The following PHC3 variants were observed in gnomAD, a reference collection of about 807,000 sequenced individuals.
PHC3 encodes polyhomeotic homolog 3.
PHC3 carries 13 observed loss-of-function variants against 107.4 expected under a neutral mutation model. That is an observed-to-expected ratio of 0.12 (90% CI 0.08 to 0.19). The LOEUF (loss-of-function observed/expected upper bound fraction) is 0.19, where lower values mean the gene tolerates loss of function less well. Among genes scored for constraint, PHC3 ranks in the 10% least tolerant of loss-of-function variants. PHC3 has a pLI of 1.00. For missense variants in PHC3, 992 were observed against 1,210.9 expected (o/e 0.82, Z 2.68); for synonymous variants, 456 against 427.4 (o/e 1.07, Z -0.83).
intron 2 of PHC3, among the ~76,000 whole-genome samples, chr3:170,173,053 A>G (rs1729870541): frequency 1.3e-5 from 2 of 151,906 alleles, no homozygotes; most frequent in Non-Finnish European, 2.9e-5. Flanking sequence ...TTAGCCAGGC[A>G]TGGTGGCACA....
chr3:170,164,006 C>A (rs1009987398), intron 4 of PHC3, among the ~76,000 whole-genome samples: 1 of 152,010 alleles, frequency 6.6e-6, no homozygotes, highest in African/African-American at 2.4e-5. Flanking sequence ...TCAAGAACAG[C>A]CTGAGCAAGA....
At chr3:170,130,172 G>A (rs1285653763) in intron 7 of PHC3, among the ~76,000 whole-genome samples, 5 of 152,242 alleles carry the variant, frequency 3.3e-5, no homozygotes, top group East Asian at 3.9e-4. Context: ...TTTTAGCAAA[G>A]TTTATACACT....
chr3:170,132,660 G>A (rs142711554), intron 7 of PHC3, among the ~76,000 whole-genome samples: 1,862 of 152,296 alleles, frequency 0.012, 39 homozygotes, highest in African/African-American at 0.042. Flanking sequence ...GCCAGACCTC[G>A]ATCTTGGGCT....
intron 4 of PHC3, among the ~76,000 whole-genome samples, chr3:170,166,418 GCTT>G (rs1331056537): frequency 6.6e-6 from 1 of 152,114 alleles, no homozygotes; most frequent in East Asian, 1.9e-4. Flanking sequence ...ATGCATTCTT[GCTT>G]CTTACACTCA....
intron 6 of PHC3, among the ~76,000 whole-genome samples, chr3:170,136,910 GAAA>G (rs555028257): frequency 6.8e-6 from 1 of 146,162 alleles, no homozygotes; most frequent in African/African-American, 2.5e-5. Context: ...GGGAGGGAGA[GAAA>G]AAAAAGAAAG....
intron 7 of PHC3, among the ~76,000 whole-genome samples, chr3:170,133,168 TC>T (rs1235145861): frequency 1.6e-4 from 24 of 152,110 alleles, no homozygotes; most frequent in African/African-American, 5.8e-4. Flanking sequence ...CAAAATATCT[TC>T]GCTTCAGATT....
At chr3:170,133,137 A>T (rs1460979805) in intron 7 of PHC3, among the ~76,000 whole-genome samples, 1 of 152,148 alleles carries the variant, frequency 6.6e-6, no homozygotes, top group Non-Finnish European at 1.5e-5. Flanking sequence ...ATTGAGGACA[A>T]ATAATCAATT....
chr3:170,138,800 A>C (rs913175825), intron 6 of PHC3, among the ~76,000 whole-genome samples: 1 of 151,794 alleles, frequency 6.6e-6, no homozygotes. Flanking sequence ...TCAAGCCCCC[A>C]GTTTCTAGTC....
chr3:170,179,816 T>C (rs1400393269), intron 1 of PHC3, among the ~76,000 whole-genome samples: 3 of 152,186 alleles, frequency 2.0e-5, no homozygotes, highest in African/African-American at 4.8e-5. Flanking sequence ...ACCTCCATAT[T>C]GTTAGAAACC....
Position 170,092,846 on chromosome 3 carries a change from G to C in PHC3, c.*4384C>G, listed in dbSNP as rs1714244938. ...CATGCTCCCAAGCATGGAGACAGTG[G>C]GTATAGAGAGTGAAAGAATGAGTCT... On this transcript the variant is annotated 3_prime_UTR_variant, in exon 15 of 15. Transcript: ENST00000495893. 6.6e-6 allele frequency: 1 copy of C among 152,042 alleles called. No homozygotes were observed. The highest frequency in any genetic ancestry group is 2.4e-5 in the African/African-American group (1 of 41,378). 9.4% of individuals were successfully genotyped at this position (152,042 alleles called of 1,614,324 possible).
At chr3:170,127,727 A>G (rs1225821053) in intron 8 of PHC3, among the ~76,000 whole-genome samples, 1 of 152,220 alleles carries the variant, frequency 6.6e-6, no homozygotes, top group African/African-American at 2.4e-5. Context: ...GGTGTAATAC[A>G]AAACCTCCCT....
intron 4 of PHC3, among the ~76,000 whole-genome samples, chr3:170,165,833 T>G (rs1294154532): frequency 6.8e-6 from 1 of 148,106 alleles, no homozygotes. Context: ...TCAGGCCCAG[T>G]AGCATGCACC....
At chr3:170,117,507 A>AT (rs1560044482) in intron 9 of PHC3, 31 bp from the exon 10 acceptor site, 4 of 1,580,002 alleles carry the variant, frequency 2.5e-6, no homozygotes, top group East Asian at 2.2e-5. Context: ...TCATTTAAAA[A>AT]TTTTTTTAGC....
At chr3:170,176,593 GA>G (rs1560139998) in intron 2 of PHC3, among the ~76,000 whole-genome samples, 2 of 152,334 alleles carry the variant, frequency 1.3e-5, no homozygotes, top group South Asian at 2.1e-4. Flanking sequence ...GTGAGTTTGG[GA>G]AAGTTATTTA....
intron 8 of PHC3, among the ~76,000 whole-genome samples, chr3:170,127,425 C>T (rs1721498804): frequency 6.6e-6 from 1 of 152,172 alleles, no homozygotes; most frequent in Non-Finnish European, 1.5e-5. Context: ...CCTCAGCTTC[C>T]CAAAGTGCTG....
rs562862091 is a variant in PHC3, at chr3:170,095,821, A to G, written c.*1409T>C. On this transcript the variant is annotated 3_prime_UTR_variant, in exon 15 of 15. Transcript: ENST00000495893. ...AATTCTATAGAACACTGTTCAGTAA[A>G]AGGTTTTGCTTTACATTTTTTTCCT... is the stretch of plus-strand genomic sequence containing the variant. The G allele has an allele frequency of 1.3e-5, 2 of 152,288 alleles. No homozygotes were observed. The highest frequency in any genetic ancestry group is 3.9e-4 in the East Asian group (2 of 5,190). The allele number at this position is 152,288 out of a possible 1,614,324, so 9.4% of individuals were successfully genotyped here.
Position 170,095,897 on chromosome 3 carries a change from G to A in PHC3, c.*1333C>T, listed in dbSNP as rs946720900. 6.6e-6 allele frequency: 1 copy of A among 152,124 alleles called. No individual in the cohort carries two copies. 9.4% of individuals were successfully genotyped at this position (152,124 alleles called of 1,614,324 possible). A position where few individuals can be genotyped will look rare whatever the true frequency, so the allele number is the denominator to read the frequency against. The stretch of plus-strand genomic sequence containing the variant: ...CCGATGGTTCAAGAGAAATCACTTG[G>A]TAAGTGCTTTGCAGGAAGCATGCAA... On this transcript the variant is annotated 3_prime_UTR_variant, in exon 15 of 15. Coordinates refer to ENST00000495893, the MANE Select transcript of PHC3 (RefSeq NM_024947.4).
At chr3:170,136,277 C>T (rs1723060641) in intron 7 of PHC3, 142 bp downstream of exon 7, 5 of 967,080 alleles carry the variant, frequency 5.2e-6, no homozygotes, top group African/African-American at 1.7e-5. Context: ...TCAAGCTACA[C>T]ATTAAGATTA....
Position 170,149,222 on chromosome 3 carries a change from G to A in PHC3, c.437C>T (p.Thr146Ile). Reference sequence around the variant, plus strand: ...GGAACGGCTTATTAACTGTGCAGGTGTAGGAGAAGTGGAGAGGTTGATCTA... The same window carrying A: ...GGAACGGCTTATTAACTGTGCAGGTATAGGAGAAGTGGAGAGGTTGATCTA... ...QTSINLSTSP[T>I]PAQLISRSQA... Residue 146 changes from threonine (T) to isoleucine (I), a missense_variant, in exon 5 of 15, where the codon ACA becomes ATA. This residue lies in a region of PHC3 where 161 missense variants were observed against 183.7 expected (regional missense o/e 0.88). Transcript: ENST00000495893. 2 of 1,612,266 alleles carry A rather than the reference G, an allele frequency of 1.2e-6. No homozygotes were observed. Among genetic ancestry groups the A allele is most frequent in the Non-Finnish European group, 1.7e-6 (2 of 1,179,470 alleles).
Sources: gnomAD v4.1 joint callset for allele counts (sites outside exome capture counted in the v4.1 genomes callset) on GRCh38, gnomAD v4.1.1 for gene constraint, gnomAD v4.1.1 regional missense constraint, MANE v1.5 for transcripts, NCBI Gene and HGNC (gene_info 2026-07-23, HGNC 2026-07-21) for gene names.